Variants in SMYD1 observed in about 807,000 individuals in gnomAD.
The protein encoded by SMYD1 is SET and MYND domain containing 1.
SMYD1 carries 49 observed loss-of-function variants against 54.0 expected under a neutral mutation model. That is an observed-to-expected ratio of 0.91 (90% CI 0.72 to 1.15). The LOEUF (loss-of-function observed/expected upper bound fraction) is 1.15. Among genes scored for constraint, SMYD1 ranks in the 50% most tolerant of loss-of-function variants. The pLI is 0.00. For synonymous variants in SMYD1, 269 were observed against 234.2 expected (o/e 1.15, Z -1.36); for missense variants, 653 against 639.6 (o/e 1.02, Z -0.23).
intron 3 of SMYD1, among the ~76,000 whole-genome samples, chr2:88,088,821 G>T (rs1347532824): frequency 1.3e-5 from 2 of 152,122 alleles, no homozygotes; most frequent in East Asian, 3.9e-4. Context: ...AGGGTTTTGG[G>T]GTGGGAGCAA....
At chr2:88,071,053 A>G (rs1267382280) in intron 1 of SMYD1, among the ~76,000 whole-genome samples, 3 of 151,996 alleles carry the variant, frequency 2.0e-5, no homozygotes, top group Non-Finnish European at 2.9e-5. Flanking sequence ...ACAAAGGTAC[A>G]ATATTATATG....
In SMYD1 at chr2:88,112,987, C is replaced by T. The variant is rs1220442673; in HGVS notation, c.*2475C>T. The stretch of plus-strand genomic sequence containing the variant: ...GATTCTCAAATCTGTATTCCCCGAT[C>T]TTGCATTTGAGCTCCAGCCCCACTC... On this transcript the variant is annotated 3_prime_UTR_variant, in exon 10 of 10. Coordinates refer to ENST00000419482, the MANE Select transcript of SMYD1 (RefSeq NM_198274.4). The T allele has an allele frequency of 6.6e-6, 1 of 152,214 alleles. No homozygotes were observed. Among genetic ancestry groups the T allele is most frequent in the Non-Finnish European group, 1.5e-5 (1 of 68,048 alleles). The allele number at this position is 152,214 out of a possible 1,614,324, so 9.4% of individuals were successfully genotyped here. A position where few individuals can be genotyped will look rare whatever the true frequency, so the allele number is the denominator to read the frequency against.
chr2:88,090,449 T>A (rs2919853), intron 3 of SMYD1, among the ~76,000 whole-genome samples: 71,678 of 152,130 alleles, frequency 0.47, 17,643 homozygotes, highest in Middle Eastern at 0.56. Context: ...AGTAACCAAC[T>A]TGATTTGCCT....
At chr2:88,108,168 G>C (rs1374260727) in intron 8 of SMYD1, among the ~76,000 whole-genome samples, 1 of 152,206 alleles carries the variant, frequency 6.6e-6, no homozygotes, top group African/African-American at 2.4e-5. Context: ...AGTTTCAGCT[G>C]TCACAGCCTC....
Position 88,112,333 on chromosome 2 carries a change from G to T in SMYD1, c.*1821G>T. 1 of 593,056 alleles carries T rather than the reference G, an allele frequency of 1.7e-6. No individual in the cohort carries two copies. The highest frequency in any genetic ancestry group is 3.0e-6 in the Non-Finnish European group (1 of 332,812). The allele number at this position is 593,056 out of a possible 1,614,324, so 36.7% of individuals were successfully genotyped here. A position where few individuals can be genotyped will look rare whatever the true frequency, so the allele number is the denominator to read the frequency against. On this transcript the variant is annotated 3_prime_UTR_variant, in exon 10 of 10. Coordinates refer to ENST00000419482, the MANE Select transcript of SMYD1 (RefSeq NM_198274.4). ...CCATCCTATCTTTCTAATATTTGTT[G>T]TCTTTAACAAACTGTGTTCTGTGTC... is the stretch of plus-strand genomic sequence containing the variant.
At chr2:88,103,246 GA>G in intron 7 of SMYD1, 96 bp downstream of exon 7, 1 of 883,110 alleles carries the variant, frequency 1.1e-6, no homozygotes, top group Non-Finnish European at 1.8e-6. Flanking sequence ...GGCGGCGGGG[GA>G]GGGGGGCTAC....
chr2:88,106,394 C>T lies in SMYD1; in HGVS notation c.1051C>T (p.Leu351=). ...PVFADTNIYM[L]RMLSIVSEVL... ...GTTTGCTGACACCAACATCTACATGCTGCGGATGCTGAGCATTGTTTCGGA... is the reference window on the plus strand; with the variant it reads ...GTTTGCTGACACCAACATCTACATGTTGCGGATGCTGAGCATTGTTTCGGA... The change falls in exon 8 of 10, where the codon CTG becomes TTG. Residue 351 remains leucine, a synonymous_variant. Transcript: ENST00000419482. The T allele has an allele frequency of 6.2e-7, 1 of 1,614,204 alleles. No individual in the cohort carries two copies.
At chr2:88,107,389 G>T (rs888115407) in intron 8 of SMYD1, among the ~76,000 whole-genome samples, 2 of 142,930 alleles carry the variant, frequency 1.4e-5, no homozygotes, top group Admixed American at 1.3e-4. Context: ...AGGAAGCCCT[G>T]CAAAAGGGTG....
chr2:88,103,668 C>G (rs778653035), intron 7 of SMYD1, among the ~76,000 whole-genome samples: 46 of 152,126 alleles, frequency 3.0e-4, no homozygotes, highest in African/African-American at 9.7e-4. Context: ...GAATCTCTGG[C>G]CATGGGACCC....
chr2:88,099,318 T>C (rs1674669221), intron 6 of SMYD1, among the ~76,000 whole-genome samples: 1 of 151,760 alleles, frequency 6.6e-6, no homozygotes, highest in Non-Finnish European at 1.5e-5. Flanking sequence ...ATTCCTGGCC[T>C]CAAGTGATCC....
intron 8 of SMYD1, among the ~76,000 whole-genome samples, chr2:88,107,133 G>A (rs2919859): frequency 0.22 from 33,653 of 151,854 alleles, 4,412 homozygotes; most frequent in East Asian, 0.51. Flanking sequence ...CCTGGGAGGC[G>A]GAGCTTGCAG....
chr2:88,084,919 T>C (rs1440631073), intron 2 of SMYD1, among the ~76,000 whole-genome samples: 1 of 151,990 alleles, frequency 6.6e-6, no homozygotes, highest in Non-Finnish European at 1.5e-5. Flanking sequence ...TCTGGCTAAT[T>C]TTTGTATTTT....
At chr2:88,102,992 C>A (rs1866946) in intron 6 of SMYD1, 66 bp from the exon 7 acceptor site, 135,752 of 1,263,094 alleles carry the variant, frequency 0.11, 7,994 homozygotes, top group African/African-American at 0.16. Flanking sequence ...AAGATGGCAA[C>A]TATTCAAAGG....
chr2:88,078,028 A>T (rs2103981814), intron 1 of SMYD1, among the ~76,000 whole-genome samples: 1 of 152,254 alleles, frequency 6.6e-6, no homozygotes, highest in South Asian at 2.1e-4. Flanking sequence ...CCCGACCAGG[A>T]TGGGCATTTC....
intron 5 of SMYD1, among the ~76,000 whole-genome samples, chr2:88,095,096 T>TCC (rs1674550611): frequency 2.0e-5 from 3 of 152,192 alleles, no homozygotes; most frequent in African/African-American, 7.2e-5. Context: ...CCCGAAAGTG[T>TCC]TGTGGGACCT....
intron 8 of SMYD1, among the ~76,000 whole-genome samples, chr2:88,108,104 G>T (rs1016331205): frequency 1.3e-4 from 20 of 152,354 alleles, no homozygotes; most frequent in Admixed American, 9.8e-4. Context: ...AGCTCAGAAA[G>T]TATGATCCTG....
chr2:88,102,646 G>A (rs1270941299), intron 6 of SMYD1, among the ~76,000 whole-genome samples: 1 of 152,200 alleles, frequency 6.6e-6, no homozygotes, highest in Admixed American at 6.5e-5. Context: ...CAATGACTTG[G>A]ATGAAAACAA....
chr2:88,102,482 G>A (rs1674742551), intron 6 of SMYD1, among the ~76,000 whole-genome samples: 1 of 152,138 alleles, frequency 6.6e-6, no homozygotes. Flanking sequence ...GTCAAGACAA[G>A]GAAATACAGG....
chr2:88,110,386 C>CAGACGGAG lies in SMYD1; in HGVS notation c.1348_1349insGACGGAGA (p.Met450ArgfsTer20). 6.2e-7 allele frequency: 1 copy of CAGACGGAG among 1,612,868 alleles called. No homozygotes were observed. The highest frequency in any genetic ancestry group is 8.5e-7 in the Non-Finnish European group (1 of 1,179,484). ...GGGTGCAGACGGAGATGGAGCTACG[C>CAGACGGAG]ATGTTCCGCCAGAACGAATTCATGT... is the stretch of plus-strand genomic sequence containing the variant. On this transcript the variant is annotated frameshift_variant, in exon 10 of 10. Coordinates refer to ENST00000419482, the MANE Select transcript of SMYD1 (RefSeq NM_198274.4). LOFTEE classifies it high-confidence loss of function.
Sources: gnomAD v4.1 joint callset for allele counts (sites outside exome capture counted in the v4.1 genomes callset) on GRCh38, gnomAD v4.1.1 for gene constraint, MANE v1.5 for transcripts, NCBI Gene and HGNC (gene_info 2026-07-23, HGNC 2026-07-21) for gene names.